Variants in NDUFA10 observed in about 807,000 individuals in gnomAD.
NDUFA10 encodes the protein NADH:ubiquinone oxidoreductase subunit A10.
A neutral mutation model predicts 47.8 loss-of-function variants in NDUFA10; 40 were observed. The observed-to-expected ratio is 0.84, with a 90% CI of 0.65 to 1.09. The LOEUF is 1.09. NDUFA10 is among the 50% of genes least tolerant of loss of function. The pLI, the probability that NDUFA10 is intolerant of heterozygous loss-of-function variation, is 0.00. For synonymous variants in NDUFA10, 183 were observed against 172.2 expected (o/e 1.06, Z -0.49); for missense variants, 413 against 451.1 (o/e 0.92, Z 0.76).
chr2:239,977,221 G>A (rs866631461), intron 9 of NDUFA10, among the ~76,000 whole-genome samples: 49 of 152,302 alleles, frequency 3.2e-4, no homozygotes, highest in African/African-American at 1.1e-3. Flanking sequence ...CCCAACTGCC[G>A]TCTTCTCGTG....
At chr2:240,014,923 C>A (rs1697285159) in intron 4 of NDUFA10, 63 bp from the exon 5 acceptor site, 2 of 1,610,064 alleles carry the variant, frequency 1.2e-6, no homozygotes, top group East Asian at 4.5e-5. Flanking sequence ...CCAAAACACA[C>A]TCCTCCTTGA....
At chr2:240,013,776 G>A (rs1217713636) in intron 5 of NDUFA10, 1 of 152,176 alleles carries the variant, frequency 6.6e-6, no homozygotes, top group Non-Finnish European at 1.5e-5. Context: ...GCACCTACAA[G>A]AATTCCGGCA....
At chr2:239,927,790 C>A (rs941608421) in intron 4 of NDUFA10, among the ~76,000 whole-genome samples, 3 of 152,184 alleles carry the variant, frequency 2.0e-5, no homozygotes, top group African/African-American at 7.2e-5. Context: ...ACGATGACAT[C>A]AGCGTGGCAG....
chr2:239,921,543 G>T (rs1693983156), intron 4 of NDUFA10, among the ~76,000 whole-genome samples: 2 of 152,084 alleles, frequency 1.3e-5, no homozygotes, highest in Admixed American at 6.5e-5. Flanking sequence ...AGCAATGATT[G>T]GTCCATTTTA....
At chr2:239,981,135 G>A (rs576080659) in intron 9 of NDUFA10, among the ~76,000 whole-genome samples, 2 of 152,186 alleles carry the variant, frequency 1.3e-5, no homozygotes, top group African/African-American at 4.8e-5. Context: ...TAGGATACCC[G>A]GTTAAAAACC....
chr2:240,002,380 T>A (rs1274202945), intron 8 of NDUFA10, among the ~76,000 whole-genome samples: 1 of 151,648 alleles, frequency 6.6e-6, no homozygotes. Flanking sequence ...GGTTTTGTTG[T>A]TTGTTTTACT....
chr2:239,966,087 C>T (rs1380100668), intron 9 of NDUFA10, among the ~76,000 whole-genome samples: 1 of 152,254 alleles, frequency 6.6e-6, no homozygotes, highest in Admixed American at 6.5e-5. Context: ...AGCTAAGCTG[C>T]CCTCCACCCA....
chr2:239,944,274 C>T (rs930507625), intron 4 of NDUFA10, among the ~76,000 whole-genome samples: 39 of 152,378 alleles, frequency 2.6e-4, no homozygotes, highest in African/African-American at 9.1e-4. Context: ...ACGTAGGCAG[C>T]AGCCTTGCCA....
rs1332480324 is a variant in NDUFA10, at chr2:239,992,953, C to T, written c.891-2771G>A. Among the ~76,000 whole-genome samples, 3 of 152,160 alleles carry T rather than the reference C, an allele frequency of 2.0e-5. No individual in the cohort carries two copies. In the East Asian group the frequency reaches 5.8e-4, roughly 29 times the overall value. ...GTTAGAAAATTGGTCATAATTATCACTTGAGTCCCTCAATTGAGAAATGGT... is the reference window on the plus strand; with the variant it reads ...GTTAGAAAATTGGTCATAATTATCATTTGAGTCCCTCAATTGAGAAATGGT... On this transcript the variant is annotated intron_variant, in intron 8 of 9. Coordinates refer to ENST00000252711, the MANE Select transcript of NDUFA10 (RefSeq NM_004544.4).
downstream of NDUFA10, among the ~76,000 whole-genome samples, chr2:239,954,454 C>T (rs1247680977): frequency 2.0e-5 from 3 of 152,264 alleles, no homozygotes; most frequent in Non-Finnish European, 4.4e-5. Context: ...CGCTCCTTCA[C>T]CAGCTCCTCT....
intron 6 of NDUFA10, among the ~76,000 whole-genome samples, chr2:240,010,892 A>AT (rs1697113973): frequency 3.3e-5 from 5 of 152,194 alleles, no homozygotes; most frequent in Admixed American, 3.3e-4. Flanking sequence ...TTGAAATTTT[A>AT]AACAACAAGA....
rs547000406 is a variant in NDUFA10 at position 239,930,987 on chromosome 2, G to T, written c.295-35673C>A. 3.9e-5 allele frequency among the ~76,000 whole-genome samples: 6 copies of T among 152,104 alleles called. No individual in the cohort carries two copies. In the South Asian group the frequency reaches 1.2e-3, roughly 32 times the overall value. ...GGGTCCAGGAGGGGTGTGGCAGGGAGGGAGGTCAGGGGGCAGTAGGGCCCT... is the reference window on the plus strand; with the variant it reads ...GGGTCCAGGAGGGGTGTGGCAGGGATGGAGGTCAGGGGGCAGTAGGGCCCT... On this transcript the variant is annotated intron_variant, in intron 4 of 5. Transcript: ENST00000419408.
chr2:239,900,497 G>A (rs1373560919), intron 4 of NDUFA10, among the ~76,000 whole-genome samples: 2 of 151,810 alleles, frequency 1.3e-5, no homozygotes, highest in Non-Finnish European at 2.9e-5. Flanking sequence ...AAATGCAGGT[G>A]ATAATGGCTG....
intron 3 of NDUFA10, among the ~76,000 whole-genome samples, chr2:240,020,161 A>C (rs1352489045): frequency 6.6e-6 from 1 of 152,190 alleles, no homozygotes; most frequent in Non-Finnish European, 1.5e-5. Context: ...CTCTGAGAAG[A>C]AGCCTGTGAG....
In NDUFA10 at chr2:240,025,252, AC is replaced by A; in HGVS notation, c.49del (p.Val17SerfsTer9). The A allele has an allele frequency of 6.7e-7, 1 of 1,482,316 alleles. No homozygotes were observed. The highest frequency in any genetic ancestry group is 8.9e-7 in the Non-Finnish European group (1 of 1,118,996). 91.8% of individuals were successfully genotyped at this position (1,482,316 alleles called of 1,614,324 possible). On this transcript the variant is annotated frameshift_variant, in exon 1 of 10. Transcript: ENST00000252711. LOFTEE classifies it high-confidence loss of function. ...CACGCGCTGGGCGCCCGCCGCCACG[AC>A]CCGGGCGGACGCGGACGTCGCTGCC... is the stretch of plus-strand genomic sequence containing the variant. ...KLAATSASAR[V>X]VAAGAQRVRG...
chr2:239,918,689 T>G (rs889623518), intron 4 of NDUFA10, among the ~76,000 whole-genome samples: 6 of 152,296 alleles, frequency 3.9e-5, no homozygotes, highest in African/African-American at 1.4e-4. Flanking sequence ...TATTCCCAGG[T>G]GTGGGTAGGG....
At chr2:239,967,618 T>C (rs2106403622) in intron 9 of NDUFA10, among the ~76,000 whole-genome samples, 1 of 152,288 alleles carries the variant, frequency 6.6e-6, no homozygotes, top group African/African-American at 2.4e-5. Flanking sequence ...TGCCCACAGG[T>C]ACGAGGTCCT....
chr2:240,005,843 T>TG (rs1696929699), intron 7 of NDUFA10, among the ~76,000 whole-genome samples: 1 of 152,098 alleles, frequency 6.6e-6, no homozygotes, highest in Non-Finnish European at 1.5e-5. Context: ...CCCTGCAGGC[T>TG]GGGAGAAAAG....
intron 4 of NDUFA10, among the ~76,000 whole-genome samples, chr2:239,909,305 C>A (rs1448860109): frequency 2.6e-5 from 4 of 152,060 alleles, no homozygotes; most frequent in African/African-American, 4.8e-5. Context: ...AATGTAAAAC[C>A]AAAAACTATT....
Sources: allele counts gnomAD v4.1 joint callset (sites outside exome capture counted in the v4.1 genomes callset), GRCh38; gene constraint gnomAD v4.1.1; transcripts MANE v1.5; gene names NCBI Gene and HGNC (gene_info 2026-07-23, HGNC 2026-07-21).